The following ARHGAP29 variants were observed in gnomAD, a reference collection of about 807,000 sequenced individuals.
ARHGAP29 encodes the protein rho GTPase-activating protein 29.
Under a neutral mutation model 122.6 loss-of-function variants are expected in ARHGAP29, and 43 were observed. That is an observed-to-expected ratio of 0.35 (90% CI 0.27 to 0.45). The LOEUF is 0.45. ARHGAP29 is among the 20% of genes least tolerant of loss of function. The probability of loss-of-function intolerance (pLI) is 1.00; values close to 1 mark genes in which losing one functional copy is unlikely to be tolerated. For synonymous variants in ARHGAP29, 506 were observed against 497.1 expected, an observed-to-expected ratio of 1.02 and a Z score of -0.24; for missense variants, 1,303 against 1,477.2, an observed-to-expected ratio of 0.88 and a Z score of 1.93.
chr1:94,200,189 A>C (rs1650752589), intron 12 of ARHGAP29, among the ~76,000 whole-genome samples: 1 of 152,188 alleles, frequency 6.6e-6, no homozygotes, highest in Non-Finnish European at 1.5e-5. Context: ...TAAAAGAATA[A>C]AAAGAGAAGC....
chr1:94,206,586 T>C (rs1377755555), intron 5 of ARHGAP29, among the ~76,000 whole-genome samples: 1 of 152,148 alleles, frequency 6.6e-6, no homozygotes, highest in African/African-American at 2.4e-5. Flanking sequence ...GCATGGTACA[T>C]AGTAACCACT....
intron 1 of ARHGAP29, among the ~76,000 whole-genome samples, chr1:94,258,264 A>G (rs1654435929): frequency 6.6e-6 from 1 of 152,236 alleles, no homozygotes; most frequent in Non-Finnish European, 1.5e-5. Flanking sequence ...TTTGTACATT[A>G]CAGTAAATGT....
Position 94,209,410 on chromosome 1 carries a change from A to G in ARHGAP29, c.341-60T>C, listed in dbSNP as rs1437050109. ...ATACTTTAAACTAGATTTATACAGA[A>G]TCATTTAATCCTTTAAAACTTCATC... is the stretch of plus-strand genomic sequence containing the variant. On this transcript the variant is annotated intron_variant, in intron 3 of 22. Coordinates refer to ENST00000260526, the MANE Select transcript of ARHGAP29 (RefSeq NM_004815.4). The G allele has an allele frequency of 2.9e-6, 3 of 1,034,036 alleles. No homozygotes were observed. The African/African-American group carries it at 4.9e-5, about 17-fold the overall frequency. 64.1% of individuals were successfully genotyped at this position (1,034,036 alleles called of 1,614,324 possible). A position where few individuals can be genotyped will look rare whatever the true frequency, so the allele number is the denominator to read the frequency against.
At chr1:94,235,546 T>A (rs1653201938) in intron 1 of ARHGAP29, among the ~76,000 whole-genome samples, 1 of 152,198 alleles carries the variant, frequency 6.6e-6, no homozygotes, top group Non-Finnish European at 1.5e-5. Context: ...AAGTGGATTG[T>A]GAGCAAGAAA....
intron 1 of ARHGAP29, among the ~76,000 whole-genome samples, chr1:94,249,694 T>G (rs958521195): frequency 6.6e-6 from 1 of 151,772 alleles, no homozygotes; most frequent in Non-Finnish European, 1.5e-5. Flanking sequence ...GAGGTTGTGG[T>G]GAGCTGAGAT....
At chr1:94,257,639 G>A (rs1570614446) in intron 1 of ARHGAP29, among the ~76,000 whole-genome samples, 1 of 152,122 alleles carries the variant, frequency 6.6e-6, no homozygotes, top group African/African-American at 2.4e-5. Context: ...GGCTTGGGAG[G>A]TCAAGCTTGC....
the ARHGAP29 span, among the ~76,000 whole-genome samples, chr1:94,298,163 T>C: frequency 7.2e-5 from 11 of 152,216 alleles, no homozygotes; most frequent in African/African-American, 2.7e-4. Flanking sequence ...TACACTTTCA[T>C]GGGATTGATT....
chr1:94,193,598 A>G (rs1395389246), intron 12 of ARHGAP29: 1 of 152,246 alleles, frequency 6.6e-6, no homozygotes, highest in African/African-American at 2.4e-5. Context: ...GATTACTGGT[A>G]TCTCATGAGA....
intron 12 of ARHGAP29, among the ~76,000 whole-genome samples, chr1:94,198,757 CAATGCTCCCCAGTCTGATCTAAA>C (rs1650628873): frequency 6.6e-6 from 1 of 152,228 alleles, no homozygotes; most frequent in Non-Finnish European, 1.5e-5. Flanking sequence ...CATATACAGT[CAATGCTCCCCAGTCTGATCTAAA>C]ATTTAATATC....
At position 94,232,573 on chromosome 1, in the gene ARHGAP29, G is replaced by A. The variant is rs377631468; in HGVS notation, c.-32-930C>T. 2.0e-4 allele frequency among the ~76,000 whole-genome samples: 30 copies of A among 152,214 alleles called. No individual in the cohort carries two copies. The South Asian group carries it at 3.5e-3, about 18-fold the overall frequency. ...GAGAAGAATTTAGATTTGAATCCTG[G>A]CTCTAGTATTTTCTAGATATGTGAC... On this transcript the variant is annotated intron_variant, in intron 1 of 22. Transcript: ENST00000260526.
chr1:94,232,977 C>A (rs1220966170), intron 1 of ARHGAP29, among the ~76,000 whole-genome samples: 3 of 149,196 alleles, frequency 2.0e-5, no homozygotes, highest in African/African-American at 7.4e-5. Context: ...CTGGGTCTCA[C>A]GCTATCACCC....
the ARHGAP29 span, among the ~76,000 whole-genome samples, chr1:94,297,030 T>C: frequency 6.6e-6 from 1 of 152,308 alleles, no homozygotes; most frequent in South Asian, 2.1e-4. Context: ...CGGCCAGGTC[T>C]GATTTGTGTG....
Position 94,229,158 on chromosome 1 carries a change from G to C in ARHGAP29, c.205+2249C>G, listed in dbSNP as rs375043064. ...TCTGGCCACACTTTAACGTTGTGGT[G>C]ATAACTCAGAAAAGAAGTCCAGGGA... On this transcript the variant is annotated intron_variant, in intron 2 of 22. Transcript: ENST00000260526. Among the ~76,000 whole-genome samples, 29 of 151,864 alleles carry C rather than the reference G, an allele frequency of 1.9e-4. No individual in the cohort carries two copies. The South Asian group carries it at 3.5e-3, about 18-fold the overall frequency.
chr1:94,197,429 C>T lies in ARHGAP29; in HGVS notation c.1281+4291G>A, dbSNP rs370321659. On this transcript the variant is annotated intron_variant, in intron 12 of 22. Coordinates refer to ENST00000260526, the MANE Select transcript of ARHGAP29 (RefSeq NM_004815.4). Reference sequence around the variant, plus strand: ...GACACTTTCACTGGAGGAATGTTATCAAACTTTTAAAGAAGAAATAACACA... The same window carrying T: ...GACACTTTCACTGGAGGAATGTTATTAAACTTTTAAAGAAGAAATAACACA... 1.8e-4 allele frequency among the ~76,000 whole-genome samples: 27 copies of T among 152,236 alleles called. No individual in the cohort carries two copies. In the South Asian group the frequency reaches 3.3e-3, roughly 19 times the overall value.
intron 1 of ARHGAP29, among the ~76,000 whole-genome samples, chr1:94,243,808 A>G (rs1340158029): frequency 4.6e-5 from 7 of 151,938 alleles, no homozygotes; most frequent in African/African-American, 1.7e-4. Context: ...AGAAATAGAG[A>G]AAACACAAAT....
intron 20 of ARHGAP29, among the ~76,000 whole-genome samples, chr1:94,178,745 T>G (rs1281819057): frequency 1.3e-5 from 2 of 152,158 alleles, no homozygotes; most frequent in African/African-American, 4.8e-5. Flanking sequence ...AATTCTTTAG[T>G]GGGTACTGAA....
chr1:94,237,734 C>G (rs1046952036), upstream of ARHGAP29: 1 of 985,420 alleles, frequency 1.0e-6, no homozygotes. Context: ...GCGCGCAGAA[C>G]GCGACCGTCA....
chr1:94,252,183 C>T (rs1049730682), intron 1 of ARHGAP29, among the ~76,000 whole-genome samples: 2 of 152,162 alleles, frequency 1.3e-5, no homozygotes, highest in African/African-American at 4.8e-5. Context: ...AACCAATATA[C>T]TAACATATGA....
In ARHGAP29 at chr1:94,178,091, G is replaced by T. The variant is rs1395916283; in HGVS notation, c.2557C>A (p.Pro853Thr). 1.2e-6 allele frequency: 2 copies of T among 1,614,034 alleles called. No individual in the cohort carries two copies. The highest frequency in any genetic ancestry group is 2.7e-5 in the African/African-American group (2 of 74,928). The change falls in exon 21 of 23, where the codon CCA becomes ACA. Residue 853 changes from proline (P) to threonine (T), a missense_variant. Pro to Thr is a conservative substitution (Grantham distance 38). Coordinates refer to ENST00000260526, the MANE Select transcript of ARHGAP29 (RefSeq NM_004815.4). ...GTGATAGGAGCAGTTGTGGGCCTTG[G>T]CCTAATGAGACTTGGTCCAAATATC... is the stretch of plus-strand genomic sequence containing the variant. The part of the protein sequence containing the change: ...GVIFGPSLIR[P>T]RPTTAPITIS...
Sources: gnomAD v4.1 joint callset for allele counts (sites outside exome capture counted in the v4.1 genomes callset) on GRCh38, gnomAD v4.1.1 for gene constraint, MANE v1.5 for transcripts, NCBI Gene and HGNC (gene_info 2026-07-23, HGNC 2026-07-21) for gene names.